BPTF: variants seen among roughly 807,000 people sequenced by gnomAD.
BPTF encodes the protein nucleosome-remodeling factor subunit BPTF.
A neutral mutation model predicts 292.5 loss-of-function variants in BPTF; 18 were observed. The ratio of observed to expected loss-of-function variants is 0.06; its 90% CI spans 0.04 to 0.09. The LOEUF is 0.09. BPTF is among the 10% of genes least tolerant of loss of function. The pLI is 1.00. For missense variants in BPTF, 2,726 were observed against 3,498.7 expected (o/e 0.78, Z 5.57); for synonymous variants, 1,225 against 1,251.9 (o/e 0.98, Z 0.45).
At chr17:67,979,996 C>T (rs1462799704) in intron 27 of BPTF, among the ~76,000 whole-genome samples, 4 of 151,962 alleles carry the variant, frequency 2.6e-5, no homozygotes, top group Admixed American at 6.6e-5. Flanking sequence ...CGCACCACTA[C>T]ACTCTAGCCT....
At chr17:67,932,111 A>G (rs1437351751) in intron 18 of BPTF, 92 bp downstream of exon 18, 4 of 1,032,780 alleles carry the variant, frequency 3.9e-6, no homozygotes, top group Non-Finnish European at 5.8e-6. Flanking sequence ...TACGAGAAAT[A>G]TAATTTTAAT....
chr17:67,859,642 GAA>G (rs1274231333), intron 2 of BPTF, among the ~76,000 whole-genome samples: 23 of 152,270 alleles, frequency 1.5e-4, no homozygotes, highest in African/African-American at 5.5e-4. Context: ...ACCTTCTTGA[GAA>G]ATCTGCAACT....
intron 18 of BPTF, among the ~76,000 whole-genome samples, chr17:67,938,840 A>G (rs1049926414): frequency 1.3e-5 from 2 of 152,246 alleles, no homozygotes; most frequent in Admixed American, 1.3e-4. Context: ...ATATGTATTA[A>G]ATAAGTAGGA....
chr17:67,917,842 C>G lies in BPTF; in HGVS notation c.5304-872C>G, dbSNP rs148774857. ...TTGTTTTGTTTTTGAGACAGAGTCT[C>G]GCTCTGTCGCCTAGGCTGGAATGCA... On this transcript the variant is annotated intron_variant, in intron 11 of 27. Transcript: ENST00000306378. Among the ~76,000 whole-genome samples the G allele has an allele frequency of 8.1e-3, 1,224 of 152,006 alleles. 24 individuals carry two copies. Among genetic ancestry groups the G allele is most frequent in the African/African-American group, 0.028 (1,175 of 41,472 alleles).
Position 67,945,600 on chromosome 17 carries a change from G to A in BPTF, c.6892G>A (p.Glu2298Lys), listed in dbSNP as rs1555674395. The change falls in exon 21 of 28, where the codon GAA becomes AAA. Residue 2298 changes from glutamate to lysine, a missense_variant. Glu to Lys is a moderately conservative substitution (Grantham distance 56). Transcript: ENST00000306378. The part of the protein sequence containing the change: ...PAQPEVQTQP[E>K]VQTQTTVSSH... ...TCAGCCTGAAGTTCAGACTCAGCCTGAAGTTCAGACCCAAACAACTGTTTC... is the reference window on the plus strand; with the variant it reads ...TCAGCCTGAAGTTCAGACTCAGCCTAAAGTTCAGACCCAAACAACTGTTTC... 6.2e-7 allele frequency: 1 copy of A among 1,612,668 alleles called. No homozygotes were observed. The highest frequency in any genetic ancestry group is 1.7e-5 in the Admixed American group (1 of 59,650).
intron 23 of BPTF, chr17:67,951,055 C>G (rs576100230): frequency 6.6e-6 from 1 of 152,014 alleles, no homozygotes; most frequent in African/African-American, 2.4e-5. Context: ...GTAATCCACC[C>G]GCCTTAGTCT....
intron 9 of BPTF, 102 bp from the exon 10 acceptor site, chr17:67,909,480 A>T: frequency 1.3e-6 from 1 of 793,988 alleles, no homozygotes; most frequent in South Asian, 3.2e-5. Context: ...AAAATGAAAC[A>T]TAACTTGCTG....
chr17:67,857,285 C>T (rs1220398815), intron 2 of BPTF, among the ~76,000 whole-genome samples: 3 of 151,198 alleles, frequency 2.0e-5, no homozygotes, highest in East Asian at 2.0e-4. Context: ...CCTCAACCTC[C>T]GAGTAGCTGG....
chr17:67,861,918 T>C (rs992814306), intron 2 of BPTF, among the ~76,000 whole-genome samples: 3 of 152,194 alleles, frequency 2.0e-5, no homozygotes, highest in African/African-American at 7.2e-5. Context: ...CTGAACCCCT[T>C]TTTCTCTTGC....
chr17:67,945,226 G>A lies in BPTF; in HGVS notation c.6701-183G>A, dbSNP rs1598829004. 4.6e-5 allele frequency among the ~76,000 whole-genome samples: 7 copies of A among 151,772 alleles called. No homozygotes were observed. The South Asian group carries it at 1.3e-3, about 27-fold the overall frequency. Reference sequence around the variant, plus strand: ...AATTTTTTATTTTTTTTGTTTTTGTGTAGAGACGGGGTCTCACTATGTTGC... The same window carrying A: ...AATTTTTTATTTTTTTTGTTTTTGTATAGAGACGGGGTCTCACTATGTTGC... On this transcript the variant is annotated intron_variant, in intron 20 of 27. Transcript: ENST00000306378.
At chr17:67,868,820 G>T (rs549451169) in intron 3 of BPTF, among the ~76,000 whole-genome samples, 1 of 152,104 alleles carries the variant, frequency 6.6e-6, no homozygotes, top group Non-Finnish European at 1.5e-5. Flanking sequence ...GAATTCATGC[G>T]TATTTTTGGA....
chr17:67,964,748 C>A (rs1429757910), intron 25 of BPTF, among the ~76,000 whole-genome samples: 3 of 152,102 alleles, frequency 2.0e-5, no homozygotes, highest in Non-Finnish European at 4.4e-5. Context: ...TGCCTGTAAT[C>A]CCAGCACTTT....
chr17:67,932,292 A>G (rs1386532347), intron 18 of BPTF, among the ~76,000 whole-genome samples: 1 of 152,270 alleles, frequency 6.6e-6, no homozygotes, highest in Non-Finnish European at 1.5e-5. Flanking sequence ...TCCGTATAGC[A>G]AAAGACAGAA....
At chr17:67,975,551 T>A in intron 26 of BPTF, 1 of 463,310 alleles carries the variant, frequency 2.2e-6, no homozygotes, top group Non-Finnish European at 3.8e-6. Context: ...TAAAAGAACC[T>A]TAACAGCAAC....
intron 23 of BPTF, among the ~76,000 whole-genome samples, chr17:67,953,961 C>T (rs145796024): frequency 1.0e-3 from 66 of 65,622 alleles, no homozygotes; most frequent in African/African-American, 1.2e-3. Context: ...CTTTTCTTTT[C>T]TTTTTTTTTT....
chr17:67,941,385 G>A (rs1443046464), intron 19 of BPTF, among the ~76,000 whole-genome samples: 12 of 152,128 alleles, frequency 7.9e-5, no homozygotes, highest in Admixed American at 2.6e-4. Flanking sequence ...CCTGGGAGGC[G>A]GAGGTTGTAG....
At chr17:67,963,004 TAC>T (rs1160435128) in intron 24 of BPTF, among the ~76,000 whole-genome samples, 1 of 152,214 alleles carries the variant, frequency 6.6e-6, no homozygotes, top group African/African-American at 2.4e-5. Flanking sequence ...TTGTGCCTGT[TAC>T]AGTTTTACAC....
intron 1 of BPTF, among the ~76,000 whole-genome samples, chr17:67,846,799 C>A (rs2058060540): frequency 6.6e-6 from 1 of 152,150 alleles, no homozygotes; most frequent in Non-Finnish European, 1.5e-5. Flanking sequence ...CCTTTGGGTT[C>A]AAGCAATTCT....
chr17:67,904,629 T>A, intron 8 of BPTF, 73 bp from the exon 9 acceptor site: 1 of 1,144,938 alleles, frequency 8.7e-7, no homozygotes, highest in Non-Finnish European at 1.2e-6. Context: ...TTGGTAAAAA[T>A]GCATAAAACC....
Sources: gnomAD v4.1 joint callset for allele counts (sites outside exome capture counted in the v4.1 genomes callset) on GRCh38, gnomAD v4.1.1 for gene constraint, MANE v1.5 for transcripts, NCBI Gene and HGNC (gene_info 2026-07-23, HGNC 2026-07-21) for gene names.